Variants in SLAIN2 observed in about 807,000 individuals in gnomAD.
SLAIN2 encodes the protein SLAIN family member 2, also known as SLAIN motif-containing protein 2.
SLAIN2 carries 31 observed loss-of-function variants against 56.6 expected under a neutral mutation model. The ratio of observed to expected loss-of-function variants is 0.55; its 90% CI spans 0.41 to 0.74. The LOEUF is 0.74. Among genes scored for constraint, SLAIN2 ranks in the 30% least tolerant of loss-of-function variants. The pLI is 0.00. For missense variants in SLAIN2, 777 were observed against 754.2 expected (o/e 1.03, Z -0.35); for synonymous variants, 317 against 284.9 (o/e 1.11, Z -1.13).
intron 1 of SLAIN2, among the ~76,000 whole-genome samples, chr4:48,366,273 A>G (rs1055202656): frequency 4.6e-5 from 7 of 152,168 alleles, no homozygotes; most frequent in African/African-American, 1.7e-4. Context: ...AGTTAAAAAG[A>G]GTGTGTTTTC....
chr4:48,401,907 G>A (rs1038966728), intron 6 of SLAIN2, among the ~76,000 whole-genome samples: 2 of 152,252 alleles, frequency 1.3e-5, no homozygotes. Context: ...GGCTGGTAAT[G>A]GTTTTTCCTT....
At chr4:48,404,601 T>C (rs890990085) in intron 6 of SLAIN2, among the ~76,000 whole-genome samples, 5 of 152,250 alleles carry the variant, frequency 3.3e-5, no homozygotes, top group African/African-American at 1.2e-4. Flanking sequence ...TGGAGGCTGT[T>C]CTTGAGGTTC....
At chr4:48,410,455 A>G (rs569521787) in intron 6 of SLAIN2, among the ~76,000 whole-genome samples, 2 of 152,124 alleles carry the variant, frequency 1.3e-5, no homozygotes, top group Admixed American at 6.5e-5. Context: ...TCATTTATCA[A>G]TTTTTGATCT....
intron 6 of SLAIN2, among the ~76,000 whole-genome samples, chr4:48,400,388 C>CTTTTTTTTTTTT (rs3081372): frequency 3.1e-5 from 3 of 96,444 alleles, no homozygotes; most frequent in African/African-American, 8.5e-5. Flanking sequence ...TTTGATTCTT[C>CTTTTTTTTTTTT]TTTTTTTTTT....
At position 48,341,585 on chromosome 4, in the gene SLAIN2, C is replaced by G; in HGVS notation, c.-155C>G. On this transcript the variant is annotated 5_prime_UTR_variant, in exon 1 of 8. Coordinates refer to ENST00000264313, the MANE Select transcript of SLAIN2 (RefSeq NM_020846.2). The stretch of plus-strand genomic sequence containing the variant: ...GGCTGGGGCCAGCGGCGCTTTGGAA[C>G]CCGAGGTGGGGGGACCCTGGCGGTG... The G allele has an allele frequency of 1.6e-6, 2 of 1,212,960 alleles. No homozygotes were observed. Among genetic ancestry groups the G allele is most frequent in the Non-Finnish European group, 2.2e-6 (2 of 925,832 alleles). 75.1% of individuals were successfully genotyped at this position (1,212,960 alleles called of 1,614,324 possible). A position where few individuals can be genotyped will look rare whatever the true frequency, so the allele number is the denominator to read the frequency against.
At chr4:48,352,250 A>G (rs751922467) in intron 1 of SLAIN2, among the ~76,000 whole-genome samples, 2 of 152,200 alleles carry the variant, frequency 1.3e-5, no homozygotes, top group Non-Finnish European at 1.5e-5. Flanking sequence ...GAAGTATTCA[A>G]ACCAAAGTAT....
intron 6 of SLAIN2, among the ~76,000 whole-genome samples, chr4:48,409,397 A>C (rs1331080881): frequency 2.0e-5 from 3 of 152,128 alleles, no homozygotes; most frequent in Non-Finnish European, 2.9e-5. Flanking sequence ...GCATAAGTAC[A>C]CTCAGATGTT....
chr4:48,420,301 A>G lies in SLAIN2; in HGVS notation c.1537A>G (p.Asn513Asp). The change falls in exon 7 of 8, where the codon AAT becomes GAT. Residue 513 changes from asparagine to aspartate, a missense_variant. Coordinates refer to ENST00000264313, the MANE Select transcript of SLAIN2 (RefSeq NM_020846.2). ...PPMVQSTVSA[N>D]PPSNINSATL... Reference sequence around the variant, plus strand: ...TATGGTTCAGAGCACAGTCTCAGCAAATCCTCCCAGCAATATCAACAGCGC... The same window carrying G: ...TATGGTTCAGAGCACAGTCTCAGCAGATCCTCCCAGCAATATCAACAGCGC... 1 of 1,613,914 alleles carries G rather than the reference A, an allele frequency of 6.2e-7. No homozygotes were observed. Among genetic ancestry groups the G allele is most frequent in the Admixed American group, 1.7e-5 (1 of 60,010 alleles).
chr4:48,396,676 A>G (rs1366018192), intron 6 of SLAIN2, among the ~76,000 whole-genome samples: 1 of 152,168 alleles, frequency 6.6e-6, no homozygotes, highest in African/African-American at 2.4e-5. Context: ...AGAAACATGG[A>G]CCAACAGGTG....
intron 6 of SLAIN2, among the ~76,000 whole-genome samples, chr4:48,410,547 G>C (rs1054249943): frequency 5.3e-5 from 8 of 152,102 alleles, no homozygotes; most frequent in Admixed American, 2.0e-4. Flanking sequence ...TACCCCACCT[G>C]CTCTTGCCAG....
At position 48,356,368 on chromosome 4, in the gene SLAIN2, A is replaced by C. The variant is rs1301564627; in HGVS notation, c.390-13481A>C. On this transcript the variant is annotated intron_variant, in intron 1 of 7. Transcript: ENST00000264313. ...TTGTGTTAGTAATTGCTATCTATAT[A>C]TGCAGTTGTAGCTGAAAAGATCTGT... Among the ~76,000 whole-genome samples, 5 of 152,136 alleles carry C rather than the reference A, an allele frequency of 3.3e-5. No individual in the cohort carries two copies. In the South Asian group the frequency reaches 1.0e-3, roughly 32 times the overall value.
chr4:48,363,839 C>T (rs1169949009), intron 1 of SLAIN2, among the ~76,000 whole-genome samples: 1 of 139,180 alleles, frequency 7.2e-6, no homozygotes, highest in African/African-American at 2.7e-5. Context: ...GCTGGCCGGG[C>T]TGAGGGGCTC....
intron 1 of SLAIN2, among the ~76,000 whole-genome samples, chr4:48,366,554 A>G (rs918086843): frequency 1.9e-4 from 29 of 152,052 alleles, no homozygotes; most frequent in Non-Finnish European, 2.8e-4. Flanking sequence ...CTTAAAGTCT[A>G]TTGTCTAATA....
chr4:48,404,193 T>C (rs1173967317), intron 6 of SLAIN2, among the ~76,000 whole-genome samples: 1 of 152,234 alleles, frequency 6.6e-6, no homozygotes, highest in Non-Finnish European at 1.5e-5. Flanking sequence ...CTGTGAGAGC[T>C]GCAGACCACT....
At chr4:48,399,000 A>G (rs1026658627) in intron 6 of SLAIN2, among the ~76,000 whole-genome samples, 2 of 152,140 alleles carry the variant, frequency 1.3e-5, no homozygotes, top group Non-Finnish European at 2.9e-5. Context: ...TTCCATATGA[A>G]TTTTAAAATA....
intron 1 of SLAIN2, among the ~76,000 whole-genome samples, chr4:48,342,635 C>G (rs146528324): frequency 1.4e-3 from 201 of 148,180 alleles, no homozygotes; most frequent in African/African-American, 4.6e-3. Flanking sequence ...ATGGGGAGAC[C>G]GTATGAATCA....
At chr4:48,418,505 T>TTGCATCTTGGAATA in intron 6 of SLAIN2, among the ~76,000 whole-genome samples, 1 of 152,322 alleles carries the variant, frequency 6.6e-6, no homozygotes, top group Middle Eastern at 3.4e-3. Context: ...AAATCCTCCT[T>TTGCATCTTGGAATA]AGTCATGGCA....
chr4:48,372,519 C>T (rs1715697058), intron 2 of SLAIN2, among the ~76,000 whole-genome samples: 1 of 152,082 alleles, frequency 6.6e-6, no homozygotes, highest in Non-Finnish European at 1.5e-5. Flanking sequence ...TTTACCAACC[C>T]CTGGTTTAAA....
rs1373192266 is a variant in SLAIN2 at position 48,425,975 on chromosome 4, T to C, written c.*3898T>C. 6.6e-6 allele frequency: 1 copy of C among 152,172 alleles called. No individual in the cohort carries two copies. The highest frequency in any genetic ancestry group is 1.9e-4 in the East Asian group (1 of 5,200). The allele number at this position is 152,172 out of a possible 1,614,324, so 9.4% of individuals were successfully genotyped here. On this transcript the variant is annotated 3_prime_UTR_variant, in exon 8 of 8. Transcript: ENST00000264313. ...TTTCTCTTTAAAAGAAATAAAAAAA[T>C]CTGTTTCTTCTGATTTCGAAAGTAA...
Sources: allele counts gnomAD v4.1 joint callset (sites outside exome capture counted in the v4.1 genomes callset), GRCh38; gene constraint gnomAD v4.1.1; transcripts MANE v1.5; gene names NCBI Gene and HGNC (gene_info 2026-07-23, HGNC 2026-07-21).